Variants in AEBP2 observed in about 807,000 individuals in gnomAD.
AEBP2 encodes AE binding protein 2.
In AEBP2, 10 loss-of-function variants were observed where a neutral mutation model predicts 50.8. That is an observed-to-expected ratio of 0.20 (90% CI 0.12 to 0.33). The LOEUF (loss-of-function observed/expected upper bound fraction) is 0.33, where lower values mean the gene tolerates loss of function less well. Among genes scored for constraint, AEBP2 ranks in the 10% least tolerant of loss-of-function variants. AEBP2 has a pLI of 1.00. For synonymous variants in AEBP2, 296 were observed against 261.3 expected (o/e 1.13, Z -1.28); for missense variants, 570 against 688.0 (o/e 0.83, Z 1.92).
chr12:19,412,503 G>A (rs1216000767), intron 1 of AEBP2, among the ~76,000 whole-genome samples: 1 of 151,954 alleles, frequency 6.6e-6, no homozygotes, highest in African/African-American at 2.4e-5. Flanking sequence ...TGGTCTCGAT[G>A]TCTTGACCTC....
chr12:19,448,663 AAG>A (rs1373319612), intron 1 of AEBP2, among the ~76,000 whole-genome samples: 3 of 152,120 alleles, frequency 2.0e-5, no homozygotes, highest in African/African-American at 7.2e-5. Flanking sequence ...ATTAAAGAAA[AAG>A]AGAACAGTTT....
intron 3 of AEBP2, among the ~76,000 whole-genome samples, chr12:19,490,769 G>A (rs1948885666): frequency 1.3e-5 from 2 of 152,068 alleles, no homozygotes; most frequent in South Asian, 2.1e-4. Flanking sequence ...CTCGGCTCAG[G>A]TTTTAAATTA....
At chr12:19,458,591 C>A (rs935670219) in intron 1 of AEBP2, among the ~76,000 whole-genome samples, 3 of 152,116 alleles carry the variant, frequency 2.0e-5, no homozygotes, top group Admixed American at 2.0e-4. Flanking sequence ...ATTACCGTTA[C>A]CAGATTTTGG....
upstream of AEBP2, among the ~76,000 whole-genome samples, chr12:19,434,767 T>C (rs2095753327): frequency 6.6e-6 from 1 of 152,198 alleles, no homozygotes; most frequent in Non-Finnish European, 1.5e-5. Context: ...TGGAGGAGTG[T>C]GGCCTTGTTC....
intron 3 of AEBP2, among the ~76,000 whole-genome samples, chr12:19,477,874 A>G (rs964399747): frequency 1.3e-5 from 2 of 152,150 alleles, no homozygotes; most frequent in Non-Finnish European, 2.9e-5. Context: ...TTTTCTTTGA[A>G]TGTCTGATAG....
At position 19,428,450 on chromosome 12, in the gene AEBP2, G is replaced by A. The variant is rs1036423971; in HGVS notation, c.-17+24234G>A. ...TGTCTGTGTCCCAGCCCATGAACAG[G>A]AAGGAGATAGGAATCAGACACATGT... On this transcript the variant is annotated intron_variant, in intron 1 of 3. Coordinates refer to the AEBP2 transcript ENST00000538425. 2.0e-5 allele frequency among the ~76,000 whole-genome samples: 3 copies of A among 152,200 alleles called. No homozygotes were observed. The South Asian group carries it at 6.2e-4, about 32-fold the overall frequency.
intron 5 of AEBP2, among the ~76,000 whole-genome samples, chr12:19,503,347 A>ATGTGTG (rs374112477): frequency 1.4e-5 from 2 of 146,784 alleles, no homozygotes; most frequent in African/African-American, 2.6e-5. Flanking sequence ...GTGTGTGTGT[A>ATGTGTG]TGTGTGTGTG....
At chr12:19,478,425 A>C (rs1014570730) in intron 3 of AEBP2, among the ~76,000 whole-genome samples, 1 of 152,064 alleles carries the variant, frequency 6.6e-6, no homozygotes, top group Non-Finnish European at 1.5e-5. Flanking sequence ...CCTCCCAAGT[A>C]AGCTGAGATT....
At position 19,465,934 on chromosome 12, in the gene AEBP2, A is replaced by G. The variant is rs117493769; in HGVS notation, c.879+3217A>G. Among the ~76,000 whole-genome samples the G allele has an allele frequency of 0.014, 2,194 of 151,468 alleles. 106 individuals are homozygous for G. The East Asian group carries it at 0.18, about 13-fold the overall frequency. ...AGCATCTTGAGTAGCTGGGATTACA[A>G]GTGTGCACCACCACGCCCAGCCAAT... On this transcript the variant is annotated intron_variant, in intron 2 of 7. Transcript: ENST00000266508.
chr12:19,405,980 T>C (rs1388959832), intron 1 of AEBP2, among the ~76,000 whole-genome samples: 2 of 151,204 alleles, frequency 1.3e-5, no homozygotes, highest in Non-Finnish European at 1.5e-5. Context: ...TTTTTTTTTT[T>C]TTTTCTTTTT....
At chr12:19,514,845 T>G in intron 7 of AEBP2, 61 bp downstream of exon 7, 1 of 1,315,912 alleles carries the variant, frequency 7.6e-7, no homozygotes, top group Non-Finnish European at 1.1e-6. Context: ...TCCCCAAATT[T>G]TGGATAAATT....
intron 1 of AEBP2, among the ~76,000 whole-genome samples, chr12:19,424,219 A>G (rs2095747303): frequency 6.6e-6 from 1 of 152,140 alleles, no homozygotes; most frequent in Non-Finnish European, 1.5e-5. Flanking sequence ...GTGGCAAGGA[A>G]GGAAAAGGAG....
At chr12:19,411,121 T>C (rs1365448369) in intron 1 of AEBP2, among the ~76,000 whole-genome samples, 2 of 152,102 alleles carry the variant, frequency 1.3e-5, no homozygotes, top group Admixed American at 6.6e-5. Context: ...TTTACTGACA[T>C]AAACTAAAGA....
In AEBP2 at chr12:19,520,020, C is replaced by T. The variant is rs1253738891; in HGVS notation, c.*1903C>T. 1 of 152,472 alleles carries T rather than the reference C, an allele frequency of 6.6e-6. No homozygotes were observed. The highest frequency in any genetic ancestry group is 1.9e-4 in the East Asian group (1 of 5,196). 9.4% of individuals were successfully genotyped at this position (152,472 alleles called of 1,614,324 possible). A position where few individuals can be genotyped will look rare whatever the true frequency, so the allele number is the denominator to read the frequency against. On this transcript the variant is annotated 3_prime_UTR_variant, in exon 8 of 8. Transcript: ENST00000266508. ...TAAGCACTTCATCAATTGCTTTATT[C>T]TGTATCTGCGAAGTAATCTGCAATC... is the stretch of plus-strand genomic sequence containing the variant.
intron 3 of AEBP2, among the ~76,000 whole-genome samples, chr12:19,474,657 CTT>C (rs1207789782): frequency 1.3e-5 from 2 of 152,090 alleles, no homozygotes; most frequent in African/African-American, 4.8e-5. Context: ...AAGAAACAAA[CTT>C]AATTTTAGAG....
chr12:19,408,381 ACT>A (rs2095737467), intron 1 of AEBP2, among the ~76,000 whole-genome samples: 1 of 151,650 alleles, frequency 6.6e-6, no homozygotes, highest in Admixed American at 6.6e-5. Context: ...ACATGGTGAA[ACT>A]CTGTCTCTAC....
At chr12:19,503,313 T>G (rs1949109689) in intron 5 of AEBP2, among the ~76,000 whole-genome samples, 1 of 151,584 alleles carries the variant, frequency 6.6e-6, no homozygotes, top group Non-Finnish European at 1.5e-5. Flanking sequence ...ACCTCCTTGG[T>G]TAGATGTATT....
intron 1 of AEBP2, chr12:19,457,116 T>C (rs1948282774): frequency 6.2e-7 from 1 of 1,600,230 alleles, no homozygotes; most frequent in Non-Finnish European, 8.5e-7. Context: ...AAGTGTTGAC[T>C]TCCTTAACAA....
intron 5 of AEBP2, among the ~76,000 whole-genome samples, chr12:19,505,685 T>TG (rs1342071439): frequency 1.3e-5 from 2 of 152,180 alleles, no homozygotes; most frequent in African/African-American, 4.8e-5. Context: ...GGCAGAACCT[T>TG]GGTGGACTAA....
Sources: allele counts gnomAD v4.1 joint callset (sites outside exome capture counted in the v4.1 genomes callset), GRCh38; gene constraint gnomAD v4.1.1; transcripts MANE v1.5; gene names NCBI Gene and HGNC (gene_info 2026-07-23, HGNC 2026-07-21).